Variants in TUSC3 observed in about 807,000 individuals in gnomAD.
The protein encoded by TUSC3 is tumor suppressor candidate 3.
TUSC3 carries 45 observed loss-of-function variants against 44.8 expected under a neutral mutation model. The ratio of observed to expected loss-of-function variants is 1.00; its 90% CI spans 0.79 to 1.29. The LOEUF (loss-of-function observed/expected upper bound fraction) is 1.29. Ranked by LOEUF, TUSC3 falls within the 50% of genes most tolerant of loss-of-function variation. The pLI, the probability that TUSC3 is intolerant of heterozygous loss-of-function variation, is 0.00. For missense variants in TUSC3, 519 were observed against 437.9 expected (o/e 1.19, Z -1.65); for synonymous variants, 212 against 152.9 (o/e 1.39, Z -2.85).
chr8:15,716,668 ATATT>A (rs1554480623), intron 6 of TUSC3, among the ~76,000 whole-genome samples: 1 of 152,128 alleles, frequency 6.6e-6, no homozygotes, highest in Non-Finnish European at 1.5e-5. Flanking sequence ...CGAAATATCA[ATATT>A]TATTTGTTAA....
chr8:15,523,658 ATATATATGTGTGTGTGTG>A (rs1378213128), intron 2 of TUSC3, among the ~76,000 whole-genome samples: 4 of 21,332 alleles, frequency 1.9e-4, no homozygotes, highest in South Asian at 1.6e-3. Context: ...ATATATATAT[ATATATATGTGTGTGTGTG>A]TGTGTGTGTG....
the TUSC3 span, among the ~76,000 whole-genome samples, chr8:15,814,428 C>G: frequency 6.6e-6 from 1 of 152,156 alleles, no homozygotes; most frequent in Admixed American, 6.5e-5. Flanking sequence ...TTTCAATCTA[C>G]TAAGATGTAA....
At chr8:15,490,812 G>T (rs931384224) in intron 2 of TUSC3, among the ~76,000 whole-genome samples, 3 of 152,130 alleles carry the variant, frequency 2.0e-5, no homozygotes, top group Non-Finnish European at 4.4e-5. Context: ...AACTTCACAA[G>T]CTAGATTTGT....
Position 15,681,225 on chromosome 8 carries a change from T to G in TUSC3, c.798+7389T>G, listed in dbSNP as rs539356249. 4.7e-4 allele frequency among the ~76,000 whole-genome samples: 71 copies of G among 151,670 alleles called. 1 individual carries two copies. Among genetic ancestry groups the G allele is most frequent in the Middle Eastern group, 3.4e-3 (1 of 294 alleles). On this transcript the variant is annotated intron_variant, in intron 6 of 10. Coordinates refer to ENST00000503731, the MANE Select transcript of TUSC3 (RefSeq NM_006765.4). ...TCTGAGGATTCCGTCCTCCTTTTTTTTTGGAATAGTTTCAGTAGGATTGGT... is the reference window on the plus strand; with the variant it reads ...TCTGAGGATTCCGTCCTCCTTTTTTGTTGGAATAGTTTCAGTAGGATTGGT...
intron 1 of TUSC3, among the ~76,000 whole-genome samples, chr8:15,475,588 A>G (rs1332197671): frequency 6.6e-6 from 1 of 152,186 alleles, no homozygotes; most frequent in Non-Finnish European, 1.5e-5. Context: ...GAGTTGAAAG[A>G]AAAAGTATAA....
chr8:15,489,221 T>G (rs1030062341), intron 2 of TUSC3, among the ~76,000 whole-genome samples: 1 of 152,190 alleles, frequency 6.6e-6, no homozygotes, highest in African/African-American at 2.4e-5. Context: ...GCAGGACAAC[T>G]TGAAGTAGGG....
At chr8:15,543,468 A>G (rs1386736238) in intron 1 of TUSC3, among the ~76,000 whole-genome samples, 3 of 152,142 alleles carry the variant, frequency 2.0e-5, no homozygotes, top group African/African-American at 7.2e-5. Flanking sequence ...CTCTAATTTT[A>G]TGACATCAGG....
At chr8:15,775,252 C>A in the TUSC3 span, among the ~76,000 whole-genome samples, 5 of 151,946 alleles carry the variant, frequency 3.3e-5, no homozygotes, top group Non-Finnish European at 7.4e-5. Flanking sequence ...ATGCCCAGAA[C>A]AGAAAAACTC....
intron 1 of TUSC3, among the ~76,000 whole-genome samples, chr8:15,580,884 G>C (rs1285377026): frequency 2.3e-4 from 33 of 141,226 alleles, no homozygotes; most frequent in Non-Finnish European, 3.8e-4. Context: ...GATTGGGGAA[G>C]TTCTCCTGGA....
intron 1 of TUSC3, among the ~76,000 whole-genome samples, chr8:15,578,272 T>G (rs1228813823): frequency 1.3e-4 from 15 of 113,894 alleles, no homozygotes; most frequent in Non-Finnish European, 2.1e-4. Flanking sequence ...AGGGACAATT[T>G]GACTTCCTCT....
intron 2 of TUSC3, among the ~76,000 whole-genome samples, chr8:15,508,214 T>A (rs112022572): frequency 6.6e-6 from 1 of 152,088 alleles, no homozygotes; most frequent in Non-Finnish European, 1.5e-5. Flanking sequence ...CATTCTGGCC[T>A]GGGTGATAGG....
intron 1 of TUSC3, among the ~76,000 whole-genome samples, chr8:15,476,894 G>T (rs531357478): frequency 9.2e-5 from 14 of 152,268 alleles, no homozygotes; most frequent in Admixed American, 5.2e-4. Flanking sequence ...AGTTACAAAG[G>T]TTACACCCTA....
chr8:15,705,389 G>C (rs1331544187), intron 6 of TUSC3, among the ~76,000 whole-genome samples: 1 of 151,964 alleles, frequency 6.6e-6, no homozygotes, highest in African/African-American at 2.4e-5. Flanking sequence ...TCATTTTTAT[G>C]AAACCATTTG....
At chr8:15,603,242 G>T (rs990976702) in intron 1 of TUSC3, among the ~76,000 whole-genome samples, 10 of 151,630 alleles carry the variant, frequency 6.6e-5, no homozygotes, top group Admixed American at 2.0e-4. Context: ...TGGAACCTGA[G>T]TTGTTAATAA....
At chr8:15,643,069 G>A (rs900259922) in intron 2 of TUSC3, among the ~76,000 whole-genome samples, 13 of 152,138 alleles carry the variant, frequency 8.5e-5, no homozygotes, top group East Asian at 7.7e-4. Context: ...GATAGTGAGT[G>A]AGTCCTCACA....
chr8:15,663,674 T>C (rs1807527470), intron 5 of TUSC3, among the ~76,000 whole-genome samples: 1 of 151,918 alleles, frequency 6.6e-6, no homozygotes, highest in South Asian at 2.1e-4. Flanking sequence ...TTTCTTAATA[T>C]TGTTTTCTCA....
intron 6 of TUSC3, among the ~76,000 whole-genome samples, chr8:15,700,445 G>A (rs1255943793): frequency 6.6e-6 from 1 of 151,330 alleles, no homozygotes; most frequent in African/African-American, 2.5e-5. Context: ...TGTGAACAGA[G>A]TAAGTAGGAG....
At chr8:15,458,985 C>T (rs759967136) in intron 1 of TUSC3, among the ~76,000 whole-genome samples, 1 of 152,138 alleles carries the variant, frequency 6.6e-6, no homozygotes, top group Non-Finnish European at 1.5e-5. Flanking sequence ...ACCAAATAGA[C>T]CAGGTTCATT....
At position 15,452,567 on chromosome 8, in the gene TUSC3, G is replaced by T. The variant is rs578088430; in HGVS notation, n.92-30819G>T. ...ATTAGGGAAGAGGAGCCAAGCTAGT[G>T]GGAGGAGGGGAAAGCAAAAAGAGAA... On this transcript the variant is annotated intron_variant and non_coding_transcript_variant, in intron 1 of 5. Transcript: ENST00000503191. Among the ~76,000 whole-genome samples, 17 of 152,306 alleles carry T rather than the reference G, an allele frequency of 1.1e-4. No homozygotes were observed. The South Asian group carries it at 3.3e-3, about 30-fold the overall frequency.
Sources: gnomAD v4.1 joint callset for allele counts (sites outside exome capture counted in the v4.1 genomes callset) on GRCh38, gnomAD v4.1.1 for gene constraint, MANE v1.5 for transcripts, NCBI Gene and HGNC (gene_info 2026-07-23, HGNC 2026-07-21) for gene names.